The following COX11 variants were observed in gnomAD, a reference collection of about 807,000 sequenced individuals.
COX11 encodes cytochrome c oxidase assembly protein COX11, mitochondrial.
A neutral mutation model predicts 29.4 loss-of-function variants in COX11; 18 were observed. That is an observed-to-expected ratio of 0.61 (90% CI 0.42 to 0.91). COX11 has a LOEUF of 0.91. Among genes scored for constraint, COX11 ranks in the 40% least tolerant of loss-of-function variants. The pLI is 0.00. For synonymous variants in COX11, 131 were observed against 124.0 expected (o/e 1.06, Z -0.38); for missense variants, 312 against 346.0 (o/e 0.90, Z 0.78).
At chr17:54,959,921 A>AT (rs1229398130), downstream of COX11, among the ~76,000 whole-genome samples, 2 of 152,090 alleles carry the variant, frequency 1.3e-5, no homozygotes, top group African/African-American at 4.8e-5. Flanking sequence ...TTGTCCTAAT[A>AT]TTTTTTTAAA....
In COX11 at chr17:54,962,219, T is replaced by G; in HGVS notation, c.*514A>C. Reference sequence around the variant, plus strand: ...TAAGAATTTAAATCTTTGGACAAGCTGTTAGGGCTTAGTGACTCCTCTTCT... The same window carrying G: ...TAAGAATTTAAATCTTTGGACAAGCGGTTAGGGCTTAGTGACTCCTCTTCT... On this transcript the variant is annotated 3_prime_UTR_variant, in exon 4 of 4. Coordinates refer to ENST00000299335, the MANE Select transcript of COX11 (RefSeq NM_004375.5). The G allele has an allele frequency of 1.0e-6, 1 of 983,194 alleles. No individual in the cohort carries two copies. The highest frequency in any genetic ancestry group is 1.2e-6 in the Non-Finnish European group (1 of 827,866). 60.9% of individuals were successfully genotyped at this position (983,194 alleles called of 1,614,324 possible).
chr17:54,962,169 C>T lies in COX11; in HGVS notation c.*564G>A. 2.1e-6 allele frequency: 2 copies of T among 966,850 alleles called. No homozygotes were observed. The highest frequency in any genetic ancestry group is 2.5e-6 in the Non-Finnish European group (2 of 812,960). The allele number at this position is 966,850 out of a possible 1,614,324, so 59.9% of individuals were successfully genotyped here. ...CTCTGAATATAAAATAGCCCTAAACCTTAAAGGACAAATCAAATTTGAAAT... is the reference window on the plus strand; with the variant it reads ...CTCTGAATATAAAATAGCCCTAAACTTTAAAGGACAAATCAAATTTGAAAT... On this transcript the variant is annotated 3_prime_UTR_variant, in exon 4 of 4. Coordinates refer to ENST00000299335, the MANE Select transcript of COX11 (RefSeq NM_004375.5).
intron 1 of COX11, among the ~76,000 whole-genome samples, chr17:54,965,951 C>A (rs2077210167): frequency 6.6e-6 from 1 of 151,968 alleles, no homozygotes; most frequent in Non-Finnish European, 1.5e-5. Flanking sequence ...AAACAAAAAA[C>A]AAATTTGAGG....
Position 54,962,896 on chromosome 17 carries a change from T to C in COX11, c.668A>G (p.Gln223Arg). ...TACTTCCTCTTGGGGATTAAGCCTT[T>C]GTTCTTCAAAACAGAAGCACTGGAA... is the stretch of plus-strand genomic sequence containing the variant. ...NKIQCFCFEE[Q>R]RLNPQEEVDM... The change falls in exon 4 of 4, where the codon CAA (glutamine) becomes CGA (arginine). Residue 223 changes from glutamine to arginine, a missense_variant. Gln to Arg is a conservative substitution (Grantham distance 43, BLOSUM62 1). Transcript: ENST00000299335. The C allele has an allele frequency of 1.2e-6, 2 of 1,610,290 alleles. No homozygotes were observed. The highest frequency in any genetic ancestry group is 4.5e-5 in the East Asian group (2 of 44,744).
chr17:54,963,685 T>G (rs118094374), intron 2 of COX11, among the ~76,000 whole-genome samples: 2,587 of 152,194 alleles, frequency 0.017, 28 homozygotes, highest in Non-Finnish European at 0.027. Context: ...ATATTTGAGG[T>G]CTTCAAGGAA....
In COX11 at chr17:54,968,451, G is replaced by A. The variant is rs1033570291; in HGVS notation, c.196C>T (p.Pro66Ser). ...WKRCSLRARHPALQPPRRPKS... is the reference protein window; with the variant it reads ...WKRCSLRARHSALQPPRRPKS... ...GGCCGCCGCGGCGGCTGCAATGCTGGATGCCGGGCTCGAAGGCTGCAGCGC... is the reference window on the plus strand; with the variant it reads ...GGCCGCCGCGGCGGCTGCAATGCTGAATGCCGGGCTCGAAGGCTGCAGCGC... The change falls in exon 1 of 4, where the codon CCA becomes TCA. Residue 66 changes from proline to serine, a missense_variant. Transcript: ENST00000299335. The A allele has an allele frequency of 6.2e-7, 1 of 1,613,494 alleles. No individual in the cohort carries two copies. The highest frequency in any genetic ancestry group is 8.5e-7 in the Non-Finnish European group (1 of 1,180,002).
At chr17:54,964,307 G>C (rs1028273557) in intron 2 of COX11, among the ~76,000 whole-genome samples, 2 of 152,118 alleles carry the variant, frequency 1.3e-5, no homozygotes, top group Non-Finnish European at 2.9e-5. Context: ...ATATAAACCA[G>C]TAAACTACTC....
exon 1 of COX11, chr17:54,952,795 G>A (rs950651143): frequency 6.6e-6 from 1 of 152,250 alleles, no homozygotes; most frequent in African/African-American, 2.4e-5. Context: ...ACTTCCCCAG[G>A]AACTAGGGCC....
intron 1 of COX11, among the ~76,000 whole-genome samples, chr17:54,965,602 G>A (rs914981093): frequency 6.6e-6 from 1 of 152,114 alleles, no homozygotes; most frequent in Non-Finnish European, 1.5e-5. Context: ...GCCACGGGGG[G>A]CGGATCATGA....
At chr17:54,968,737 T>C, upstream of COX11, 2 of 1,442,742 alleles carry the variant, frequency 1.4e-6, no homozygotes, top group Non-Finnish European at 9.3e-7. Context: ...GGGTTGAGCC[T>C]GCCGCTGCCT....
exon 1 of COX11, chr17:54,954,548 G>A (rs1009754899): frequency 3.9e-5 from 6 of 152,200 alleles, no homozygotes; most frequent in Admixed American, 6.5e-5. Flanking sequence ...AATACAGAAC[G>A]GGCCCTTGCT....
At position 54,961,753 on chromosome 17, in the gene COX11, A is replaced by G; in HGVS notation, c.*980T>C. 9 of 1,014,266 alleles carry G rather than the reference A, an allele frequency of 8.9e-6. No individual in the cohort carries two copies. The highest frequency in any genetic ancestry group is 1.1e-5 in the Non-Finnish European group (9 of 848,458). 62.8% of individuals were successfully genotyped at this position (1,014,266 alleles called of 1,614,324 possible). On this transcript the variant is annotated 3_prime_UTR_variant, in exon 4 of 4. Coordinates refer to ENST00000299335, the MANE Select transcript of COX11 (RefSeq NM_004375.5). ...AATTATAAATTGTTAAAACCTTGAT[A>G]ATTGTCATTTAATTATATTTCAGGT...
At chr17:54,963,991 G>A (rs777634283) in intron 2 of COX11, among the ~76,000 whole-genome samples, 10 of 152,012 alleles carry the variant, frequency 6.6e-5, no homozygotes, top group Non-Finnish European at 1.0e-4. Flanking sequence ...ATACTACCAC[G>A]TAATTGGAGA....
chr17:54,953,886 C>T (rs2049358796), exon 1 of COX11: 2 of 152,142 alleles, frequency 1.3e-5, no homozygotes, highest in African/African-American at 4.8e-5. Context: ...GCTTTTGGGT[C>T]ATCTGGGTCC....
In COX11 at chr17:54,963,303, T is replaced by A; in HGVS notation, c.648+3A>T. ...ATTCTGTAAAGTTTACACTTTGATGTACCTGTATTTTATTGAAATACTGTC... is the reference window on the plus strand; with the variant it reads ...ATTCTGTAAAGTTTACACTTTGATGAACCTGTATTTTATTGAAATACTGTC... On this transcript the variant is annotated splice_donor_region_variant and intron_variant, in intron 3 of 3. Coordinates refer to ENST00000299335, the MANE Select transcript of COX11 (RefSeq NM_004375.5). 1.2e-6 allele frequency: 2 copies of A among 1,608,822 alleles called. No homozygotes were observed. Among genetic ancestry groups the A allele is most frequent in the Non-Finnish European group, 1.7e-6 (2 of 1,177,160 alleles).
chr17:54,967,034 GCGCGCGCGCACACACACA>G (rs2077234663), intron 1 of COX11, among the ~76,000 whole-genome samples: 1 of 102,426 alleles, frequency 9.8e-6, no homozygotes, highest in Non-Finnish European at 1.9e-5. Flanking sequence ...ATAAACGTGC[GCGCGCGCGCACACACACA>G]CACACACACA....
downstream of COX11, among the ~76,000 whole-genome samples, chr17:54,958,665 G>A (rs910086978): frequency 6.7e-6 from 1 of 148,840 alleles, no homozygotes; most frequent in Non-Finnish European, 1.5e-5. Flanking sequence ...AGGAGGTAGA[G>A]GCTGCAGTGA....
At chr17:54,956,056 T>C (rs548257733), downstream of COX11, among the ~76,000 whole-genome samples, 1 of 152,346 alleles carries the variant, frequency 6.6e-6, no homozygotes, top group African/African-American at 2.4e-5. Flanking sequence ...GGCTCAACCC[T>C]GGGTCTCATC....
Position 54,964,782 on chromosome 17 carries a change from T to C in COX11, c.437A>G (p.Lys146Arg), listed in dbSNP as rs1310406131. 1 of 1,613,858 alleles carries C rather than the reference T, an allele frequency of 6.2e-7. No homozygotes were observed. Among genetic ancestry groups the C allele is most frequent in the East Asian group, 2.2e-5 (1 of 44,872 alleles). Residue 146 changes from lysine to arginine, a missense_variant, in exon 2 of 4, where the codon AAA becomes AGA. Lys to Arg is a conservative substitution (Grantham distance 26, BLOSUM62 2). Transcript: ENST00000299335. ...AAAGCTAATTTTAATGATTCGATCT[T>C]TAACAGGCACCATGTTTTCAATCTT... ...SDKIENMVPV[K>R]DRIIKISFNA...
Sources: gnomAD v4.1 joint callset for allele counts (sites outside exome capture counted in the v4.1 genomes callset) on GRCh38, gnomAD v4.1.1 for gene constraint, MANE v1.5 for transcripts, NCBI Gene and HGNC (gene_info 2026-07-23, HGNC 2026-07-21) for gene names.